CDH20: variants seen among roughly 807,000 people sequenced by gnomAD.
The protein encoded by CDH20 is cadherin-20.
Under a neutral mutation model 74.2 loss-of-function variants are expected in CDH20, and 29 were observed. The ratio of observed to expected loss-of-function variants is 0.39; its 90% CI spans 0.29 to 0.53. The LOEUF (loss-of-function observed/expected upper bound fraction) is 0.53. CDH20 is among the 20% of genes least tolerant of loss of function. The pLI is 0.69. For synonymous variants in CDH20, 469 were observed against 405.4 expected (o/e 1.16, Z -1.88); for missense variants, 988 against 1,048.3 (o/e 0.94, Z 0.79).
intron 6 of CDH20, among the ~76,000 whole-genome samples, chr18:61,511,094 C>T (rs1365007090): frequency 8.7e-6 from 1 of 115,480 alleles, no homozygotes; most frequent in Non-Finnish European, 1.6e-5. Flanking sequence ...TCAAGCAATC[C>T]TTCCACCTCA....
At chr18:61,376,974 AT>A in intron 1 of CDH20, among the ~76,000 whole-genome samples, 1 of 152,296 alleles carries the variant, frequency 6.6e-6, no homozygotes, top group South Asian at 2.1e-4. Context: ...GCTAGGCTCA[AT>A]AAAGGCTTAG....
intron 7 of CDH20, among the ~76,000 whole-genome samples, chr18:61,531,416 A>C (rs987578839): frequency 6.6e-6 from 1 of 152,258 alleles, no homozygotes; most frequent in African/African-American, 2.4e-5. Flanking sequence ...TCCGTGGACC[A>C]CATGGCTGGC....
intron 6 of CDH20, among the ~76,000 whole-genome samples, chr18:61,510,814 T>C (rs1163125630): frequency 6.6e-6 from 1 of 152,206 alleles, no homozygotes; most frequent in East Asian, 1.9e-4. Flanking sequence ...AGAATTATAA[T>C]AGGTGATTAA....
Position 61,555,393 on chromosome 18 carries a change from C to T in CDH20, c.*698C>T, listed in dbSNP as rs745711939. ...TCCAACGCCATCAAGTTAGAGTGCT[C>T]GTGTCTCCTCTCAGCTATTTAACTG... is the stretch of plus-strand genomic sequence containing the variant. On this transcript the variant is annotated 3_prime_UTR_variant, in exon 12 of 12. Coordinates refer to ENST00000262717, the MANE Select transcript of CDH20 (RefSeq NM_031891.4). The T allele has an allele frequency of 4.5e-5, 44 of 985,274 alleles. No individual in the cohort carries two copies. Among genetic ancestry groups the T allele is most frequent in the Admixed American group, 6.2e-5 (1 of 16,258 alleles). The allele number at this position is 985,274 out of a possible 1,614,324, so 61.0% of individuals were successfully genotyped here. A position where few individuals can be genotyped will look rare whatever the true frequency, so the allele number is the denominator to read the frequency against.
rs1464951182 is a variant in CDH20 at position 61,550,005 on chromosome 18, G to A, written c.1676G>A (p.Arg559Lys). The stretch of plus-strand genomic sequence containing the variant: ...AACACAGCACGGATTCTAACCAGGA[G>A]GTCTGGTTTCCGGCAGCAGGAGCAG... ...QDNTARILTR[R>K]SGFRQQEQSV... The change falls in exon 11 of 12, where the codon AGG becomes AAG. Residue 559 changes from arginine to lysine, a missense_variant. Transcript: ENST00000262717. The A allele has an allele frequency of 1.2e-6, 2 of 1,614,046 alleles. No homozygotes were observed. Among genetic ancestry groups the A allele is most frequent in the Admixed American group, 1.7e-5 (1 of 60,012 alleles).
Position 61,435,261 on chromosome 18 carries a change from G to A in CDH20, c.-152-55141G>A, listed in dbSNP as rs190637558. On this transcript the variant is annotated intron_variant, in intron 1 of 11. Transcript: ENST00000262717. ...GACATTCTGCCCATTACAAAATACT[G>A]CCTCTAGTGGTACCACTATATACTA... Among the ~76,000 whole-genome samples the A allele has an allele frequency of 5.9e-5, 9 of 152,188 alleles. No individual in the cohort carries two copies. In the East Asian group the frequency reaches 1.7e-3, roughly 29 times the overall value.
intron 1 of CDH20, among the ~76,000 whole-genome samples, chr18:61,361,268 A>G (rs563024505): frequency 7.9e-5 from 12 of 152,218 alleles, no homozygotes; most frequent in Non-Finnish European, 1.5e-4. Flanking sequence ...TTATACCCAT[A>G]CTTAACAGAT....
intron 1 of CDH20, among the ~76,000 whole-genome samples, chr18:61,345,409 C>T (rs954576643): frequency 1.3e-5 from 2 of 151,988 alleles, no homozygotes; most frequent in African/African-American, 4.8e-5. Flanking sequence ...TGAGGAAAGG[C>T]CTGTTTCTTC....
At chr18:61,470,177 G>A (rs1910114219) in intron 1 of CDH20, among the ~76,000 whole-genome samples, 1 of 152,172 alleles carries the variant, frequency 6.6e-6, no homozygotes, top group African/African-American at 2.4e-5. Flanking sequence ...ACACACCAGA[G>A]CACCCTGGGG....
intron 6 of CDH20, among the ~76,000 whole-genome samples, chr18:61,522,197 A>G (rs1368137948): frequency 1.3e-5 from 2 of 152,234 alleles, no homozygotes; most frequent in African/African-American, 4.8e-5. Context: ...AATCTCCTTA[A>G]GCTGATAAGC....
intron 1 of CDH20, among the ~76,000 whole-genome samples, chr18:61,463,162 T>C (rs1390599329): frequency 1.3e-5 from 2 of 152,270 alleles, no homozygotes; most frequent in African/African-American, 4.8e-5. Flanking sequence ...TCTTTTCCCT[T>C]TTCCCCTCTG....
intron 1 of CDH20, among the ~76,000 whole-genome samples, chr18:61,344,731 C>T (rs1025939130): frequency 1.3e-5 from 2 of 152,144 alleles, no homozygotes; most frequent in African/African-American, 4.8e-5. Flanking sequence ...AATGGCATTT[C>T]AGATGCTGTT....
intron 1 of CDH20, among the ~76,000 whole-genome samples, chr18:61,481,696 T>C (rs1334818965): frequency 1.3e-5 from 2 of 152,170 alleles, no homozygotes; most frequent in African/African-American, 4.8e-5. Context: ...CACATTAGTA[T>C]CATATTAATT....
intron 7 of CDH20, among the ~76,000 whole-genome samples, chr18:61,528,939 CCAGA>C (rs1177458736): frequency 2.0e-5 from 3 of 152,278 alleles, no homozygotes; most frequent in African/African-American, 7.2e-5. Flanking sequence ...TGTAGACTGG[CCAGA>C]CAGATGGGTC....
intron 1 of CDH20, among the ~76,000 whole-genome samples, chr18:61,473,103 C>T (rs539711103): frequency 5.9e-5 from 9 of 152,316 alleles, no homozygotes; most frequent in African/African-American, 2.2e-4. Context: ...ATAGGGCATA[C>T]TTTATTATGA....
intron 1 of CDH20, among the ~76,000 whole-genome samples, chr18:61,440,272 TTTAAC>T (rs1408356503): frequency 1.3e-5 from 2 of 152,174 alleles, no homozygotes; most frequent in African/African-American, 4.8e-5. Context: ...GCTTGCATAA[TTTAAC>T]TTGACTCTGG....
chr18:61,393,686 G>A (rs1911867279), intron 1 of CDH20, among the ~76,000 whole-genome samples: 1 of 152,202 alleles, frequency 6.6e-6, no homozygotes, highest in Non-Finnish European at 1.5e-5. Flanking sequence ...CACTGTCATA[G>A]AAATGTCTCT....
At chr18:61,359,765 T>C (rs1910627364) in intron 1 of CDH20, among the ~76,000 whole-genome samples, 1 of 152,212 alleles carries the variant, frequency 6.6e-6, no homozygotes, top group African/African-American at 2.4e-5. Context: ...GACCCAAAAT[T>C]GATCTTTCTG....
chr18:61,443,166 T>C (rs961400504), intron 1 of CDH20, among the ~76,000 whole-genome samples: 1 of 152,148 alleles, frequency 6.6e-6, no homozygotes, highest in Non-Finnish European at 1.5e-5. Flanking sequence ...TGAGCAACAA[T>C]TGTGCTTGTT....
Sources: gnomAD v4.1 joint callset for allele counts (sites outside exome capture counted in the v4.1 genomes callset) on GRCh38, gnomAD v4.1.1 for gene constraint, MANE v1.5 for transcripts, NCBI Gene and HGNC (gene_info 2026-07-23, HGNC 2026-07-21) for gene names.